Variants in ADGRA3 observed in about 807,000 individuals in gnomAD.
The protein encoded by ADGRA3 is adhesion G protein-coupled receptor A3.
In ADGRA3, 56 loss-of-function variants were observed where a neutral mutation model predicts 119.8. The ratio of observed to expected loss-of-function variants is 0.47; its 90% CI spans 0.38 to 0.58. The LOEUF (loss-of-function observed/expected upper bound fraction) is 0.58. Ranked by LOEUF, ADGRA3 falls within the 20% of genes least tolerant of loss-of-function variation. The pLI, the probability that ADGRA3 is intolerant of heterozygous loss-of-function variation, is 0.00. For missense variants in ADGRA3, 1,516 were observed against 1,649.0 expected (o/e 0.92, Z 1.40); for synonymous variants, 607 against 623.8 (o/e 0.97, Z 0.40).
intron 2 of ADGRA3, among the ~76,000 whole-genome samples, chr4:22,464,379 A>C (rs981696318): frequency 1.3e-5 from 2 of 152,208 alleles, no homozygotes; most frequent in Non-Finnish European, 2.9e-5. Flanking sequence ...AAATACATTT[A>C]AATGGTCAGA....
At chr4:22,447,162 A>G (rs972864701) in intron 5 of ADGRA3, among the ~76,000 whole-genome samples, 1 of 152,120 alleles carries the variant, frequency 6.6e-6, no homozygotes, top group East Asian at 1.9e-4. Context: ...ACATTTTATG[A>G]TTTGAAAAAA....
intron 6 of ADGRA3, among the ~76,000 whole-genome samples, chr4:22,444,013 A>T (rs1466742992): frequency 6.6e-6 from 1 of 151,998 alleles, no homozygotes; most frequent in Admixed American, 6.6e-5. Context: ...TTGTGTGTGT[A>T]GGTGTGCTTT....
chr4:22,480,974 A>G (rs1224530655), intron 1 of ADGRA3, among the ~76,000 whole-genome samples: 2 of 152,114 alleles, frequency 1.3e-5, no homozygotes, highest in East Asian at 3.9e-4. Flanking sequence ...CAGGAGTTTG[A>G]GTTTATAGTG....
chr4:22,467,053 C>G (rs559987975), intron 2 of ADGRA3, among the ~76,000 whole-genome samples: 7 of 152,288 alleles, frequency 4.6e-5, no homozygotes, highest in Non-Finnish European at 8.8e-5. Flanking sequence ...CTAATCATTT[C>G]CATTTCTCCA....
chr4:22,411,068 CTAAA>C (rs199644400), intron 14 of ADGRA3, among the ~76,000 whole-genome samples: 1 of 151,884 alleles, frequency 6.6e-6, no homozygotes, highest in African/African-American at 2.4e-5. Context: ...TGGTATTAGA[CTAAA>C]TAAAAATAAA....
chr4:22,406,005 C>T (rs1714905079), intron 14 of ADGRA3, among the ~76,000 whole-genome samples: 3 of 152,138 alleles, frequency 2.0e-5, no homozygotes, highest in African/African-American at 7.2e-5. Flanking sequence ...TTTCCATTCT[C>T]CTTTCTACCT....
At chr4:22,463,120 G>A (rs1156769707) in intron 2 of ADGRA3, among the ~76,000 whole-genome samples, 2 of 152,202 alleles carry the variant, frequency 1.3e-5, no homozygotes, top group African/African-American at 4.8e-5. Context: ...GCCATATGGA[G>A]AACTGAAACG....
chr4:22,508,835 G>A (rs1430271915), intron 1 of ADGRA3, among the ~76,000 whole-genome samples: 1 of 152,102 alleles, frequency 6.6e-6, no homozygotes, highest in Non-Finnish European at 1.5e-5. Context: ...TCCCCAGTAG[G>A]TTCACATTCC....
At chr4:22,463,317 G>C (rs927433169) in intron 2 of ADGRA3, among the ~76,000 whole-genome samples, 1 of 152,188 alleles carries the variant, frequency 6.6e-6, no homozygotes, top group Non-Finnish European at 1.5e-5. Context: ...GGGTTCCTTA[G>C]TCCCTTACTT....
intron 1 of ADGRA3, among the ~76,000 whole-genome samples, chr4:22,501,206 A>T (rs1719037535): frequency 6.6e-6 from 1 of 152,172 alleles, no homozygotes; most frequent in Non-Finnish European, 1.5e-5. Context: ...CTGTTTCTCT[A>T]GAAAATCTTA....
intron 2 of ADGRA3, among the ~76,000 whole-genome samples, chr4:22,464,106 T>C (rs539595700): frequency 6.6e-6 from 1 of 152,250 alleles, no homozygotes; most frequent in Non-Finnish European, 1.5e-5. Flanking sequence ...CCAAACTCCC[T>C]GCAACCACCA....
chr4:22,513,272 G>A (rs890950388), intron 1 of ADGRA3, among the ~76,000 whole-genome samples: 9 of 147,934 alleles, frequency 6.1e-5, no homozygotes, highest in Non-Finnish European at 1.2e-4. Context: ...TCAGCCTCCC[G>A]AGTAGCGACT....
At chr4:22,457,322 G>C (rs566277863) in intron 3 of ADGRA3, among the ~76,000 whole-genome samples, 1 of 152,256 alleles carries the variant, frequency 6.6e-6, no homozygotes, top group Admixed American at 6.5e-5. Flanking sequence ...AATACTTTAT[G>C]TGTTCTTGTT....
intron 10 of ADGRA3, among the ~76,000 whole-genome samples, chr4:22,430,527 G>C (rs1251724590): frequency 2.6e-5 from 4 of 152,148 alleles, no homozygotes; most frequent in Admixed American, 6.5e-5. Flanking sequence ...ATGATTTAGG[G>C]TATCTGACAG....
At position 22,410,869 on chromosome 4, in the gene ADGRA3, CTT is replaced by C. The variant is rs1351210485; in HGVS notation, c.2232+2311_2232+2312del. On this transcript the variant is annotated intron_variant, in intron 14 of 18. Transcript: ENST00000334304. ...ATTACATTTAAGAAAAGGAAAAAGT[CTT>C]TGAAAATAAATAGAAAAAAAATCTT... Among the ~76,000 whole-genome samples, 2 of 151,930 alleles carry C rather than the reference CTT, an allele frequency of 1.3e-5. 1 individual carries two copies. Among genetic ancestry groups the C allele is most frequent in the Non-Finnish European group, 2.9e-5 (2 of 67,944 alleles).
chr4:22,424,477 G>C, intron 10 of ADGRA3, 125 bp from the exon 11 acceptor site: 2 of 957,278 alleles, frequency 2.1e-6, no homozygotes, highest in South Asian at 1.7e-5. Context: ...GAACCCAACA[G>C]GCACTTTACT....
chr4:22,444,919 T>C, intron 6 of ADGRA3, 54 bp downstream of exon 6: 2 of 1,568,344 alleles, frequency 1.3e-6, no homozygotes, highest in South Asian at 2.2e-5. Context: ...AAGAAAAACA[T>C]GGTAGCAAGT....
chr4:22,405,463 T>C (rs534850593), intron 14 of ADGRA3, among the ~76,000 whole-genome samples: 56 of 151,626 alleles, frequency 3.7e-4, no homozygotes, highest in Non-Finnish European at 4.7e-4. Context: ...GGAGGATCAC[T>C]TGAGCCAGGG....
chr4:22,447,522 G>A lies in ADGRA3; in HGVS notation c.474-11C>T, dbSNP rs1716876124. 6.7e-7 allele frequency: 1 copy of A among 1,488,548 alleles called. No individual in the cohort carries two copies. Among genetic ancestry groups the A allele is most frequent in the Non-Finnish European group, 9.1e-7 (1 of 1,095,332 alleles). 92.2% of individuals were successfully genotyped at this position (1,488,548 alleles called of 1,614,324 possible). On this transcript the variant is annotated splice_polypyrimidine_tract_variant and intron_variant, in intron 4 of 18. Coordinates refer to ENST00000334304, the MANE Select transcript of ADGRA3 (RefSeq NM_145290.4). Reference sequence around the variant, plus strand: ...TTCCCCGAAAGGTTTCTGAAAGACAGAAAACAATTTCACTTTTAAAAATAC... The same window carrying A: ...TTCCCCGAAAGGTTTCTGAAAGACAAAAAACAATTTCACTTTTAAAAATAC...
Sources: gnomAD v4.1 joint callset for allele counts (sites outside exome capture counted in the v4.1 genomes callset) on GRCh38, gnomAD v4.1.1 for gene constraint, MANE v1.5 for transcripts, NCBI Gene and HGNC (gene_info 2026-07-23, HGNC 2026-07-21) for gene names.